CCDC191: variants seen among roughly 807,000 people sequenced by gnomAD.
CCDC191 encodes coiled-coil domain containing 191, also known as coiled-coil domain-containing protein 191.
In CCDC191, 99 loss-of-function variants were observed where a neutral mutation model predicts 114.0. The ratio of observed to expected loss-of-function variants is 0.87; its 90% confidence interval spans 0.74 to 1.03. The LOEUF (loss-of-function observed/expected upper bound fraction) is 1.03, where lower values mean the gene tolerates loss of function less well. Among genes scored for constraint, CCDC191 ranks in the 50% least tolerant of loss-of-function variants. The pLI, the probability that CCDC191 is intolerant of heterozygous loss-of-function variation, is 0.00. For synonymous variants in CCDC191, 351 were observed against 376.0 expected (o/e 0.93, Z 0.77); for missense variants, 973 against 1,087.0 (o/e 0.90, Z 1.47).
chr3:114,008,508 AG>A (rs1291471057), intron 9 of CCDC191, among the ~76,000 whole-genome samples: 1 of 151,910 alleles, frequency 6.6e-6, no homozygotes, highest in Non-Finnish European at 1.5e-5. Flanking sequence ...CATTATGTGG[AG>A]GGTGGAGGTG....
At chr3:114,004,431 A>G (rs541579077) in intron 11 of CCDC191, 139 of 1,131,062 alleles carry the variant, frequency 1.2e-4, no homozygotes, top group Middle Eastern at 5.4e-4. Context: ...GGGAATGCCA[A>G]AAAGGTTGGC....
rs1383542118 is a variant in CCDC191 at position 114,001,693 on chromosome 3, G to T, written c.2065C>A (p.Gln689Lys). 1.2e-6 allele frequency: 2 copies of T among 1,613,518 alleles called. No individual in the cohort carries two copies. Among genetic ancestry groups the T allele is most frequent in the South Asian group, 2.2e-5 (2 of 91,024 alleles). Reference sequence around the variant, plus strand: ...CGTTCCTCCTCTTGGGCCTTTAACTGGGCCTGATTGAGATTAGAACCCAGA... The same window carrying T: ...CGTTCCTCCTCTTGGGCCTTTAACTTGGCCTGATTGAGATTAGAACCCAGA... ...KKKQEEEKLA[Q>K]LKAQEEERQK... Residue 689 changes from glutamine (Q) to lysine (K), a missense_variant, in exon 13 of 17, where the codon CAG becomes AAG. Physicochemically the swap from Gln to Lys is moderately conservative, Grantham distance 53. Coordinates refer to ENST00000295878, the MANE Select transcript of CCDC191 (RefSeq NM_020817.2).
chr3:113,968,937 CAAG>C (rs75449129), intron 16 of CCDC191, among the ~76,000 whole-genome samples: 11,751 of 152,110 alleles, frequency 0.077, 490 homozygotes, highest in Middle Eastern at 0.12. Flanking sequence ...GCCAGCTGTA[CAAG>C]AAGTATGGCA....
At chr3:113,979,171 CCTATT>C (rs2075047872) in intron 14 of CCDC191, among the ~76,000 whole-genome samples, 161 bp from the exon 15 acceptor site, 1 of 152,156 alleles carries the variant, frequency 6.6e-6, no homozygotes, top group African/African-American at 2.4e-5. Context: ...TGACTGTTGA[CCTATT>C]CTATGGAGGT....
chr3:114,006,014 G>A (rs1304315837), intron 9 of CCDC191, 52 bp from the exon 10 acceptor site: 1 of 1,466,598 alleles, frequency 6.8e-7, no homozygotes, highest in Non-Finnish European at 9.5e-7. Flanking sequence ...CTGTGCTGAT[G>A]AAATCCAACA....
At chr3:113,998,173 G>GTGCA (rs958417416) in intron 13 of CCDC191, among the ~76,000 whole-genome samples, 5 of 151,780 alleles carry the variant, frequency 3.3e-5, no homozygotes. Context: ...AGGCGTGGTG[G>GTGCA]TGCATGACTG....
At chr3:113,978,163 T>C in intron 16 of CCDC191, 23 bp downstream of exon 16, 1 of 1,612,970 alleles carries the variant, frequency 6.2e-7, no homozygotes, top group Non-Finnish European at 8.5e-7. Flanking sequence ...GAGAGTGAAT[T>C]TTCCTCACTA....
Position 114,006,608 on chromosome 3 carries a change from AT to A in CCDC191, c.1414-647del, listed in dbSNP as rs1577401356. ...TCCAGATATATATATATATATATATATATATATATAAATATATATATTTTAT... is the reference window on the plus strand; with the variant it reads ...TCCAGATATATATATATATATATATAATATATATAAATATATATATTTTAT... On this transcript the variant is annotated intron_variant, in intron 9 of 16. Transcript: ENST00000295878. Among the ~76,000 whole-genome samples, 14 of 133,594 alleles carry A rather than the reference AT, an allele frequency of 1.0e-4. No homozygotes were observed. The East Asian group carries it at 1.2e-3, about 11-fold the overall frequency. 87.6% of individuals were successfully genotyped at this position (133,594 alleles called of 152,430 possible). A position where few individuals can be genotyped will look rare whatever the true frequency, so the allele number is the denominator to read the frequency against.
intron 9 of CCDC191, among the ~76,000 whole-genome samples, chr3:114,008,262 CTTGGGTCTCAA>C: frequency 6.7e-6 from 1 of 148,742 alleles, no homozygotes. Context: ...AGAAGTCTGT[CTTGGGTCTCAA>C]TGGAGACAAA....
At chr3:113,972,520 A>G (rs1171911857) in intron 16 of CCDC191, among the ~76,000 whole-genome samples, 2 of 152,132 alleles carry the variant, frequency 1.3e-5, no homozygotes, top group East Asian at 1.9e-4. Flanking sequence ...AGGATGTTCC[A>G]TGTGCTGATA....
At chr3:113,990,177 G>C (rs1042891695) in intron 13 of CCDC191, among the ~76,000 whole-genome samples, 2 of 152,000 alleles carry the variant, frequency 1.3e-5, no homozygotes, top group Non-Finnish European at 2.9e-5. Flanking sequence ...TTTTTGAAAA[G>C]AAATAAAATT....
At chr3:114,003,223 A>G in intron 11 of CCDC191, 2 of 985,408 alleles carry the variant, frequency 2.0e-6, no homozygotes, top group South Asian at 9.4e-5. Flanking sequence ...TGACTCTATA[A>G]TCAGTTGGGG....
chr3:113,996,094 G>A (rs768562665), intron 13 of CCDC191, among the ~76,000 whole-genome samples: 82 of 152,046 alleles, frequency 5.4e-4, no homozygotes, highest in Admixed American at 7.9e-4. Context: ...TTTTATGATA[G>A]TTTCTTTTGC....
intron 8 of CCDC191, among the ~76,000 whole-genome samples, chr3:114,014,804 T>G (rs1364793369): frequency 6.6e-6 from 1 of 152,172 alleles, no homozygotes; most frequent in Admixed American, 6.5e-5. Context: ...ATGTCACTCC[T>G]AAGTATTTAT....
In CCDC191 at chr3:114,002,500, G is replaced by A. The variant is rs780918643; in HGVS notation, c.2017C>T (p.Arg673Trp). The stretch of plus-strand genomic sequence containing the variant: ...TTTTTCTTCTTCTCTGCCAAGATCC[G>A]CCTACATTCAGCTCGTTGAATTGCT... Reference protein sequence around the residue: ...ERAIQRAECRRILAEKKKKQE... With the variant: ...ERAIQRAECRWILAEKKKKQE... The change falls in exon 12 of 17, where the codon CGG becomes TGG. Residue 673 changes from arginine (R) to tryptophan (W), a missense_variant. Arg to Trp is a moderately radical substitution (Grantham distance 101). Coordinates refer to ENST00000295878, the MANE Select transcript of CCDC191 (RefSeq NM_020817.2). 1.2e-5 allele frequency: 20 copies of A among 1,610,292 alleles called. No homozygotes were observed. Among genetic ancestry groups the A allele is most frequent in the South Asian group, 2.2e-5 (2 of 90,386 alleles).
chr3:113,998,294 G>GAA (rs1348469458), intron 13 of CCDC191, among the ~76,000 whole-genome samples: 1 of 110,698 alleles, frequency 9.0e-6, no homozygotes, highest in Non-Finnish European at 1.8e-5. Context: ...CAACAAGAGT[G>GAA]AAACTCTGCT....
intron 2 of CCDC191, among the ~76,000 whole-genome samples, chr3:114,050,503 G>A (rs1559936407): frequency 6.6e-6 from 1 of 152,200 alleles, no homozygotes. Flanking sequence ...TTAGGAGGTG[G>A]AGGTAGGTAA....
intron 8 of CCDC191, among the ~76,000 whole-genome samples, chr3:114,013,610 C>A (rs1251623789): frequency 1.3e-5 from 2 of 152,148 alleles, no homozygotes; most frequent in African/African-American, 4.8e-5. Flanking sequence ...AATAGCCTAT[C>A]CCAATTTCCT....
intron 9 of CCDC191, among the ~76,000 whole-genome samples, chr3:114,008,000 A>G (rs1251393765): frequency 6.7e-6 from 1 of 148,514 alleles, no homozygotes; most frequent in African/African-American, 2.5e-5. Flanking sequence ...AGAGATTTGG[A>G]GTCTTTTGTT....
Sources: gnomAD v4.1 joint callset for allele counts (sites outside exome capture counted in the v4.1 genomes callset) on GRCh38, gnomAD v4.1.1 for gene constraint, MANE v1.5 for transcripts, NCBI Gene and HGNC (gene_info 2026-07-23, HGNC 2026-07-21) for gene names.